Variants in MACROD2 observed in about 807,000 individuals in gnomAD.
MACROD2 encodes mono-ADP ribosylhydrolase 2, also known as ADP-ribose glycohydrolase MACROD2.
In MACROD2, 36 loss-of-function variants were observed where a neutral mutation model predicts 70.4. That is an observed-to-expected ratio of 0.51 (90% confidence interval 0.39 to 0.68). The LOEUF (loss-of-function observed/expected upper bound fraction) is 0.68. Among genes scored for constraint, MACROD2 ranks in the 30% least tolerant of loss-of-function variants. The pLI is 0.00. For synonymous variants in MACROD2, 172 were observed against 178.8 expected (o/e 0.96, Z 0.30); for missense variants, 496 against 538.4 (o/e 0.92, Z 0.78).
chr20:14,399,488 C>T (rs541038252), intron 3 of MACROD2, among the ~76,000 whole-genome samples: 2 of 152,108 alleles, frequency 1.3e-5, no homozygotes, highest in Admixed American at 6.5e-5. Flanking sequence ...TCTCTAGCTA[C>T]GTTTAATTTT....
At chr20:15,119,014 G>A (rs924814890) in intron 5 of MACROD2, among the ~76,000 whole-genome samples, 1 of 152,190 alleles carries the variant, frequency 6.6e-6, no homozygotes, top group African/African-American at 2.4e-5. Flanking sequence ...ATGTATGTAT[G>A]TGTGTATGTG....
chr20:15,510,732 T>C (rs189051413), intron 8 of MACROD2, among the ~76,000 whole-genome samples: 1 of 152,226 alleles, frequency 6.6e-6, no homozygotes, highest in East Asian at 1.9e-4. Flanking sequence ...ATGGAAAACA[T>C]ACTGGAAAAA....
At chr20:15,827,273 G>A (rs755670480) in intron 8 of MACROD2, among the ~76,000 whole-genome samples, 4 of 152,130 alleles carry the variant, frequency 2.6e-5, no homozygotes, top group Non-Finnish European at 5.9e-5. Context: ...CCCAATTCAA[G>A]AGGAGACTTT....
chr20:14,127,440 A>G (rs1226430875), intron 3 of MACROD2: 2 of 463,628 alleles, frequency 4.3e-6, no homozygotes, highest in South Asian at 4.7e-5. Flanking sequence ...ATGGCAAATA[A>G]TGATGCTGTT....
chr20:14,605,793 AT>A (rs1194785187), intron 4 of MACROD2, among the ~76,000 whole-genome samples: 1 of 152,114 alleles, frequency 6.6e-6, no homozygotes, highest in Non-Finnish European at 1.5e-5. Context: ...ATGATAATCA[AT>A]TTTCTAAGAG....
chr20:15,980,929 T>A (rs1383833998), intron 13 of MACROD2, among the ~76,000 whole-genome samples: 4 of 152,130 alleles, frequency 2.6e-5, no homozygotes, highest in Admixed American at 2.6e-4. Context: ...TAAATGGGGG[T>A]CCAGTATTCC....
At chr20:14,128,821 A>G (rs1360284292) in intron 3 of MACROD2, among the ~76,000 whole-genome samples, 2 of 152,234 alleles carry the variant, frequency 1.3e-5, no homozygotes, top group Non-Finnish European at 2.9e-5. Flanking sequence ...CCTGTGTTCT[A>G]TAAGCAGAAT....
chr20:15,619,304 C>A (rs1178573143), intron 8 of MACROD2, among the ~76,000 whole-genome samples: 1 of 152,212 alleles, frequency 6.6e-6, no homozygotes, highest in Non-Finnish European at 1.5e-5. Flanking sequence ...AAACTACGTT[C>A]TTCCCAAAGT....
intron 8 of MACROD2, among the ~76,000 whole-genome samples, chr20:15,537,237 T>A (rs1364146885): frequency 6.6e-6 from 1 of 152,156 alleles, no homozygotes; most frequent in African/African-American, 2.4e-5. Context: ...TGCCACCAAG[T>A]AATATGTGCC....
Position 15,127,224 on chromosome 20 carries a change from T to A in MACROD2, c.419-102716T>A, listed in dbSNP as rs73097519. On this transcript the variant is annotated intron_variant, in intron 5 of 17. Coordinates refer to ENST00000684519, the MANE Select transcript of MACROD2 (RefSeq NM_001351661.2). Reference sequence around the variant, plus strand: ...AGCCCACCCTTTCATCAGAGTGCAGTAGAAGTGACTGGTGCAAAATAAATA... The same window carrying A: ...AGCCCACCCTTTCATCAGAGTGCAGAAGAAGTGACTGGTGCAAAATAAATA... 2.9e-3 allele frequency among the ~76,000 whole-genome samples: 440 copies of A among 152,158 alleles called. 1 individual carries two copies. The highest frequency in any genetic ancestry group is 4.9e-3 in the Non-Finnish European group (331 of 67,992).
chr20:14,053,615 T>G (rs559773191), intron 2 of MACROD2: 61 of 152,292 alleles, frequency 4.0e-4, no homozygotes, highest in African/African-American at 1.4e-3. Flanking sequence ...CACTTCCACT[T>G]TAAAATTCTT....
chr20:15,981,456 G>T (rs368457645), intron 13 of MACROD2, among the ~76,000 whole-genome samples: 1 of 152,226 alleles, frequency 6.6e-6, no homozygotes, highest in East Asian at 1.9e-4. Context: ...GAAATGATCA[G>T]GGTGATTCTT....
intron 3 of MACROD2, among the ~76,000 whole-genome samples, chr20:14,249,309 A>C (rs1367516712): frequency 6.6e-6 from 1 of 151,896 alleles, no homozygotes; most frequent in African/African-American, 2.4e-5. Context: ...TATAATGCAA[A>C]AGCCAGAGTT....
chr20:15,933,182 G>T (rs2065605234), intron 10 of MACROD2, 94 bp from the exon 11 acceptor site: 2 of 1,249,556 alleles, frequency 1.6e-6, no homozygotes, highest in Middle Eastern at 2.1e-4. Flanking sequence ...TGCTACATTG[G>T]TTACAATTAA....
intron 6 of MACROD2, among the ~76,000 whole-genome samples, chr20:15,242,992 G>A (rs2077073151): frequency 6.6e-6 from 1 of 152,208 alleles, no homozygotes; most frequent in Non-Finnish European, 1.5e-5. Flanking sequence ...CCTACTGGGA[G>A]CTCTAAAGCT....
At chr20:15,290,569 T>C (rs1295844234) in intron 6 of MACROD2, among the ~76,000 whole-genome samples, 1 of 152,188 alleles carries the variant, frequency 6.6e-6, no homozygotes, top group African/African-American at 2.4e-5. Context: ...TTTGCATTCA[T>C]TGCAAACATT....
intron 5 of MACROD2, among the ~76,000 whole-genome samples, chr20:14,781,387 G>T (rs1257080096): frequency 6.6e-6 from 1 of 150,966 alleles, no homozygotes; most frequent in Non-Finnish European, 1.5e-5. Context: ...AATAGCTCTG[G>T]TCCGTTTTCA....
intron 8 of MACROD2, among the ~76,000 whole-genome samples, chr20:15,621,733 G>A (rs556290904): frequency 2.0e-5 from 3 of 152,176 alleles, no homozygotes; most frequent in East Asian, 1.9e-4. Flanking sequence ...TGACTTCCAC[G>A]CTCCCCTTGG....
intron 12 of MACROD2, among the ~76,000 whole-genome samples, chr20:15,950,182 G>T (rs2147363222): frequency 6.6e-6 from 1 of 152,220 alleles, no homozygotes; most frequent in South Asian, 2.1e-4. Context: ...TAGCTCAGTG[G>T]TTCTCAAACT....
Sources: gnomAD v4.1 joint callset for allele counts (sites outside exome capture counted in the v4.1 genomes callset) on GRCh38, gnomAD v4.1.1 for gene constraint, MANE v1.5 for transcripts, NCBI Gene and HGNC (gene_info 2026-07-23, HGNC 2026-07-21) for gene names.